The following DNAH1 variants were observed in gnomAD, a reference collection of about 807,000 sequenced individuals.
The protein encoded by DNAH1 is dynein axonemal heavy chain 1, also known as axonemal beta dynein heavy chain 1.
Under a neutral mutation model 484.3 loss-of-function variants are expected in DNAH1, and 327 were observed. That is an observed-to-expected ratio of 0.68 (90% CI 0.62 to 0.74). The LOEUF is 0.74. Among genes scored for constraint, DNAH1 ranks in the 30% least tolerant of loss-of-function variants. The pLI is 0.00. For missense variants in DNAH1, 5,052 were observed against 5,546.8 expected (o/e 0.91, Z 2.83); for synonymous variants, 2,192 against 2,191.9 (o/e 1.00, Z 0.00).
intron 21 of DNAH1, 113 bp from the exon 22 acceptor site, chr3:52,356,501 C>T (rs1702614761): frequency 1.9e-6 from 2 of 1,063,830 alleles, no homozygotes; most frequent in Non-Finnish European, 2.7e-6. Context: ...GCTTTGGTGT[C>T]CAGTGCTCTG....
Position 52,366,753 on chromosome 3 carries a change from T to C in DNAH1, c.5631T>C (p.Ala1877=), listed in dbSNP as rs1489059745. Residue 1877 remains alanine, a synonymous_variant, in exon 36 of 78, where the codon GCT becomes GCC. Transcript: ENST00000420323. Reference sequence around the variant, plus strand: ...CCCAGTGTTACAGAGTCCTGGCAGCTGCCATGACGTCACTGAAAGGGCAGC... The same window carrying C: ...CCCAGTGTTACAGAGTCCTGGCAGCCGCCATGACGTCACTGAAAGGGCAGC... ...GKSTCYRVLA[A]AMTSLKGQPS... 2 of 1,612,874 alleles carry C rather than the reference T, an allele frequency of 1.2e-6. No homozygotes were observed. The highest frequency in any genetic ancestry group is 1.3e-5 in the African/African-American group (1 of 74,980).
chr3:52,322,808 A>C, intron 2 of DNAH1, 33 bp downstream of exon 2: 19 of 1,551,914 alleles, frequency 1.2e-5, no homozygotes, highest in Non-Finnish European at 1.7e-5. Flanking sequence ...ACCAAGCCTC[A>C]ACCCTTCCTC....
At chr3:52,357,472 T>C in intron 22 of DNAH1, 142 bp from the exon 23 acceptor site, 1 of 1,101,586 alleles carries the variant, frequency 9.1e-7, no homozygotes, top group Non-Finnish European at 1.3e-6. Flanking sequence ...TTGCAGCCAC[T>C]GGCTCAGGGA....
chr3:52,354,858 G>A lies in DNAH1; in HGVS notation c.3496G>A (p.Glu1166Lys). 1 of 1,613,716 alleles carries A rather than the reference G, an allele frequency of 6.2e-7. No individual in the cohort carries two copies. The highest frequency in any genetic ancestry group is 8.5e-7 in the Non-Finnish European group (1 of 1,179,886). Residue 1166 changes from glutamate to lysine, a missense_variant, in exon 21 of 78, where the codon GAG becomes AAG. Coordinates refer to ENST00000420323, the MANE Select transcript of DNAH1 (RefSeq NM_015512.5). ...YAIEQALDKM[E>K]KEWSTILFNV... The stretch of plus-strand genomic sequence containing the variant: ...CCGACCCCAGGCACTGGACAAGATG[G>A]AGAAGGAGTGGTCGACCATCCTGTT...
rs770047229 is a variant in DNAH1 at position 52,331,304 on chromosome 3, C to T, written c.1028C>T (p.Thr343Ile). Reference sequence around the variant, plus strand: ...CCCATCCTGAATGCAGGGGTCACCACTGAAGGTATGAGGTCCTGCCGCTGC... The same window carrying T: ...CCCATCCTGAATGCAGGGGTCACCATTGAAGGTATGAGGTCCTGCCGCTGC... ...GRPILNAGVT[T>I]EGRPPLQVCQ... The change falls in exon 7 of 78, where the codon ACT becomes ATT. Residue 343 changes from threonine to isoleucine, a missense_variant. By Grantham distance (89) the Thr-to-Ile change is moderately conservative (BLOSUM62 -1). Around this residue, in one of 4 missense-constraint regions of DNAH1, gnomAD observed 1,263 missense variants for 1,218.8 expected, o/e 1.04. Coordinates refer to ENST00000420323, the MANE Select transcript of DNAH1 (RefSeq NM_015512.5). The T allele has an allele frequency of 6.2e-7, 1 of 1,605,004 alleles. No homozygotes were observed. Among genetic ancestry groups the T allele is most frequent in the Non-Finnish European group, 8.5e-7 (1 of 1,176,138 alleles).
In DNAH1 at chr3:52,372,891, C is replaced by T; in HGVS notation, c.6828-5C>T. 6.2e-7 allele frequency: 1 copy of T among 1,610,804 alleles called. No individual in the cohort carries two copies. The highest frequency in any genetic ancestry group is 8.5e-7 in the Non-Finnish European group (1 of 1,178,128). ...GTGCTGGGCTCACACAGCCCCTCCC[C>T]TCAGGCGGAAGGGTGTGTTTGGACC... is the stretch of plus-strand genomic sequence containing the variant. On this transcript the variant is annotated splice_region_variant and splice_polypyrimidine_tract_variant and intron_variant, in intron 43 of 77. Coordinates refer to ENST00000420323, the MANE Select transcript of DNAH1 (RefSeq NM_015512.5).
At chr3:52,340,408 TTTTA>T (rs55652606) in intron 8 of DNAH1, among the ~76,000 whole-genome samples, 4,870 of 148,244 alleles carry the variant, frequency 0.033, 115 homozygotes, top group Middle Eastern at 0.072. Context: ...TCTGGTAGGA[TTTTA>T]TTTATTTATT....
rs998821696 is a variant in DNAH1, at chr3:52,388,206, T to C, written c.9043T>C (p.Tyr3015His). Residue 3015 changes from tyrosine to histidine, a missense_variant, in exon 57 of 78, where the codon TAC (tyrosine) becomes CAC (histidine). Transcript: ENST00000420323. ...GDVVIKAIQP[Y>H]IDNEEFQPAT... ...TGTGGTGATCAAAGCCATCCAGCCGTACATCGATAATGAAGAGTTCCAGCC... is the reference window on the plus strand; with the variant it reads ...TGTGGTGATCAAAGCCATCCAGCCGCACATCGATAATGAAGAGTTCCAGCC... The C allele has an allele frequency of 3.1e-6, 5 of 1,609,640 alleles. No individual in the cohort carries two copies. The highest frequency in any genetic ancestry group is 2.5e-6 in the Non-Finnish European group (3 of 1,178,216).
rs369765657 is a variant in DNAH1, at chr3:52,391,465, C to A, written c.9914C>A (p.Thr3305Lys). ...LKQTYKQQGN[T>K]VLKLGDTVIP... The stretch of plus-strand genomic sequence containing the variant: ...CAGACGTACAAGCAGCAGGGAAACA[C>A]GGTGCTGAAGCTGGGGGACACGGTG... Residue 3305 changes from threonine (T) to lysine (K), a missense_variant, in exon 63 of 78, where the codon ACG becomes AAG. By Grantham distance (78) the Thr-to-Lys change is moderately conservative. Transcript: ENST00000420323. The A allele has an allele frequency of 3.4e-5, 55 of 1,611,746 alleles. No individual in the cohort carries two copies. Among genetic ancestry groups the A allele is most frequent in the Non-Finnish European group, 4.2e-5 (50 of 1,178,956 alleles).
rs1434239763 is a variant in DNAH1, at chr3:52,395,472, G to A, written c.11127+6G>A. The A allele has an allele frequency of 1.2e-6, 2 of 1,613,780 alleles. No homozygotes were observed. Among genetic ancestry groups the A allele is most frequent in the South Asian group, 2.2e-5 (2 of 91,094 alleles). On this transcript the variant is annotated splice_donor_region_variant and intron_variant, in intron 69 of 77. Transcript: ENST00000420323. This position sits in a 1 kb window ranked among gnomAD's most constrained non-coding sequence, Gnocchi z 4.4. ...TCTCCCTGGGCCAGGGGCAGGTCAG[G>A]GCTAGGCAGGGAGGAAGGGAGTGGG...
intron 44 of DNAH1, 107 bp from the exon 45 acceptor site, chr3:52,375,133 A>C: frequency 1.6e-6 from 2 of 1,262,474 alleles, no homozygotes; most frequent in Middle Eastern, 2.2e-4. Flanking sequence ...TCTTTATTCC[A>C]GTACTGTTCT....
At chr3:52,344,745 G>A (rs1702078240) in intron 9 of DNAH1, 98 bp downstream of exon 9, 3 of 1,352,168 alleles carry the variant, frequency 2.2e-6, no homozygotes, top group Non-Finnish European at 1.0e-6. Context: ...GCCATTGTGG[G>A]CGTCATCAGC....
At chr3:52,370,278 C>G in intron 39 of DNAH1, 49 bp downstream of exon 39, 2 of 1,597,156 alleles carry the variant, frequency 1.3e-6, no homozygotes, top group Non-Finnish European at 1.7e-6. Context: ...TCTCCCCACA[C>G]TGCTCTCCTT....
Position 52,360,437 on chromosome 3 carries a change from C to T in DNAH1, c.4685+13C>T, listed in dbSNP as rs745317192. ...CCCTCACCGACAGGTAAGCGTTCCC[C>T]TCTTGCTCCTTCCCACACTGAGACC... On this transcript the variant is annotated intron_variant, in intron 28 of 77. Coordinates refer to ENST00000420323, the MANE Select transcript of DNAH1 (RefSeq NM_015512.5). 3 of 1,604,686 alleles carry T rather than the reference C, an allele frequency of 1.9e-6. No homozygotes were observed. The highest frequency in any genetic ancestry group is 1.7e-5 in the Admixed American group (1 of 59,884).
At chr3:52,389,940 C>A (rs1704298182) in intron 60 of DNAH1, among the ~76,000 whole-genome samples, 1 of 152,084 alleles carries the variant, frequency 6.6e-6, no homozygotes, top group African/African-American at 2.4e-5. Flanking sequence ...GGTGAAACCC[C>A]CTCTCTACTA....
At chr3:52,399,261 G>C in intron 76 of DNAH1, 60 bp downstream of exon 76, 1 of 1,495,206 alleles carries the variant, frequency 6.7e-7, no homozygotes, top group South Asian at 1.3e-5. Context: ...AGGGAGGAGA[G>C]GCTCTGAGGC....
In DNAH1 at chr3:52,353,747, TG is replaced by T; in HGVS notation, c.3480+118del. ...GGATGACAGTAATAAGCCCCATCCC[TG>T]GGGTCATGAGGCCCAGGGGTTGAGA... On this transcript the variant is annotated intron_variant, in intron 20 of 77. Transcript: ENST00000420323. This position sits in a 1 kb window ranked among gnomAD's most constrained non-coding sequence, Gnocchi z 5.0. 1 of 1,439,168 alleles carries T rather than the reference TG, an allele frequency of 6.9e-7. No individual in the cohort carries two copies. Among genetic ancestry groups the T allele is most frequent in the Non-Finnish European group, 9.4e-7 (1 of 1,068,994 alleles). The allele number at this position is 1,439,168 out of a possible 1,614,324, so 89.1% of individuals were successfully genotyped here.
At chr3:52,354,326 T>A (rs1702518054) in intron 20 of DNAH1, among the ~76,000 whole-genome samples, 1 of 152,222 alleles carries the variant, frequency 6.6e-6, no homozygotes, top group Non-Finnish European at 1.5e-5. Context: ...TACAACCACA[T>A]GCAGCACATG....
intron 12 of DNAH1, among the ~76,000 whole-genome samples, 197 bp from the exon 13 acceptor site, chr3:52,348,691 G>T (rs1446150630): frequency 6.6e-6 from 1 of 152,184 alleles, no homozygotes; most frequent in Non-Finnish European, 1.5e-5. Context: ...GTCTGGCCTT[G>T]TAAAGAGACA....
Sources: gnomAD v4.1 joint callset for allele counts (sites outside exome capture counted in the v4.1 genomes callset) on GRCh38, gnomAD v4.1.1 for gene constraint, gnomAD v4.1.1 regional missense constraint, Gnocchi (gnomAD v3.1) non-coding constraint, MANE v1.5 for transcripts, NCBI Gene and HGNC (gene_info 2026-07-23, HGNC 2026-07-21) for gene names.